EYS: variants seen among roughly 807,000 people sequenced by gnomAD.
The protein encoded by EYS is protein eyes shut homolog.
In EYS, 250 loss-of-function variants were observed where a neutral mutation model predicts 282.1. That is an observed-to-expected ratio of 0.89 (90% CI 0.80 to 0.98). The LOEUF (loss-of-function observed/expected upper bound fraction) is 0.98. Ranked by LOEUF, EYS falls within the 50% of genes least tolerant of loss-of-function variation. The pLI is 0.00. For synonymous variants in EYS, 1,355 were observed against 1,282.9 expected (o/e 1.06, Z -1.20); for missense variants, 4,016 against 3,709.0 (o/e 1.08, Z -2.15).
At chr6:64,724,838 C>T (rs982424089) in intron 22 of EYS, among the ~76,000 whole-genome samples, 44 of 152,074 alleles carry the variant, frequency 2.9e-4, no homozygotes, top group African/African-American at 1.0e-3. Flanking sequence ...TAATATACCA[C>T]TTTTAAGAAA....
At chr6:64,769,815 G>T (rs974084928) in intron 22 of EYS, among the ~76,000 whole-genome samples, 1 of 151,884 alleles carries the variant, frequency 6.6e-6, no homozygotes, top group Non-Finnish European at 1.5e-5. Flanking sequence ...CATTGGTGGA[G>T]GTTAAGGAGA....
intron 30 of EYS, among the ~76,000 whole-genome samples, chr6:64,245,968 G>A (rs937677668): frequency 1.5e-5 from 2 of 129,884 alleles, no homozygotes; most frequent in Non-Finnish European, 3.1e-5. Context: ...GCAGTGAGTC[G>A]AGATCGCGCC....
chr6:65,627,842 C>G (rs1221058867), intron 2 of EYS, among the ~76,000 whole-genome samples: 8 of 152,220 alleles, frequency 5.3e-5, no homozygotes, highest in Non-Finnish European at 1.0e-4. Flanking sequence ...CCATGGGCTC[C>G]TGTGCGCCCG....
At chr6:65,354,096 C>T (rs2150327810) in intron 8 of EYS, among the ~76,000 whole-genome samples, 1 of 152,218 alleles carries the variant, frequency 6.6e-6, no homozygotes, top group South Asian at 2.1e-4. Context: ...TCTCCAGCAT[C>T]TTCAAATACA....
chr6:64,581,857 G>A (rs946236423), intron 26 of EYS, among the ~76,000 whole-genome samples: 6 of 152,114 alleles, frequency 3.9e-5, no homozygotes, highest in Admixed American at 6.6e-5. Flanking sequence ...ATGTCTTTAT[G>A]ATAGGGCGCC....
In EYS at chr6:64,121,808, C is replaced by A. The variant is rs150271026; in HGVS notation, c.6425-39806G>T. The stretch of plus-strand genomic sequence containing the variant: ...TCTTGCCTGAATTGCCATCTTTATG[C>A]CTTTTTCTACTTTGCAGCATTATGG... On this transcript the variant is annotated intron_variant, in intron 31 of 42. Coordinates refer to ENST00000503581, the MANE Select transcript of EYS (RefSeq NM_001142800.2). 3.9e-5 allele frequency among the ~76,000 whole-genome samples: 6 copies of A among 152,200 alleles called. No homozygotes were observed. In the East Asian group the frequency reaches 1.2e-3, roughly 29 times the overall value.
intron 35 of EYS, among the ~76,000 whole-genome samples, chr6:63,974,934 G>A (rs1766760513): frequency 6.6e-6 from 1 of 151,894 alleles, no homozygotes. Context: ...TTACCATAGA[G>A]CTGGTGACAC....
At chr6:63,877,598 C>T (rs944440770) in intron 35 of EYS, among the ~76,000 whole-genome samples, 2 of 151,266 alleles carry the variant, frequency 1.3e-5, no homozygotes, top group African/African-American at 4.9e-5. Flanking sequence ...CCAACACTTT[C>T]AGGTACACCA....
chr6:64,969,171 C>T lies in EYS; in HGVS notation c.2260-23257G>A, dbSNP rs145848808. ...AGTTGGAGACCGGCATGGCCTAGGA[C>T]ATGGACTGTAAAATGATGCTTTGAA... On this transcript the variant is annotated intron_variant, in intron 14 of 42. Transcript: ENST00000503581. 1.8e-3 allele frequency among the ~76,000 whole-genome samples: 272 copies of T among 151,968 alleles called. 2 individuals carry two copies. Among genetic ancestry groups the T allele is most frequent in the African/African-American group, 6.3e-3 (263 of 41,480 alleles).
intron 30 of EYS, among the ~76,000 whole-genome samples, chr6:64,272,356 T>C (rs1767971095): frequency 6.6e-6 from 1 of 152,188 alleles, no homozygotes; most frequent in Non-Finnish European, 1.5e-5. Context: ...TTGATGTAGT[T>C]TCTTCATAGT....
chr6:64,846,631 GCTAT>G (rs1400483936), intron 19 of EYS, among the ~76,000 whole-genome samples: 2 of 151,930 alleles, frequency 1.3e-5, no homozygotes, highest in Admixed American at 6.6e-5. Context: ...TTTACTTTCA[GCTAT>G]CTGTTATATA....
At chr6:64,260,108 C>T (rs1767539455) in intron 30 of EYS, among the ~76,000 whole-genome samples, 1 of 151,100 alleles carries the variant, frequency 6.6e-6, no homozygotes, top group Non-Finnish European at 1.5e-5. Context: ...ATGTGAAATG[C>T]TGAGAAGTGT....
intron 12 of EYS, among the ~76,000 whole-genome samples, chr6:65,228,447 A>G (rs1766684832): frequency 6.6e-6 from 1 of 152,058 alleles, no homozygotes; most frequent in Non-Finnish European, 1.5e-5. Flanking sequence ...GTTGACAGAA[A>G]TTAAAGAATA....
At chr6:64,859,652 C>T (rs1766171806) in intron 19 of EYS, among the ~76,000 whole-genome samples, 1 of 152,172 alleles carries the variant, frequency 6.6e-6, no homozygotes, top group Admixed American at 6.5e-5. Flanking sequence ...CCTCTCTTCT[C>T]TTGTCTGCTG....
intron 41 of EYS, among the ~76,000 whole-genome samples, chr6:63,737,869 G>C (rs1473440878): frequency 1.1e-4 from 16 of 151,710 alleles, no homozygotes; most frequent in Non-Finnish European, 1.2e-4. Flanking sequence ...AATCTACAAT[G>C]AACTCAAACA....
chr6:63,940,551 G>C (rs1311870342), intron 35 of EYS, among the ~76,000 whole-genome samples: 6 of 152,156 alleles, frequency 3.9e-5, no homozygotes, highest in Admixed American at 6.5e-5. Flanking sequence ...ATGGTTTGTT[G>C]ATTTTAGAAT....
intron 26 of EYS, among the ~76,000 whole-genome samples, chr6:64,446,258 G>T (rs1775113567): frequency 6.6e-6 from 1 of 152,182 alleles, no homozygotes; most frequent in Non-Finnish European, 1.5e-5. Context: ...CCCCTTGCAT[G>T]AGAATAACGA....
chr6:64,713,664 A>G (rs1362651100), intron 22 of EYS, among the ~76,000 whole-genome samples: 1 of 152,120 alleles, frequency 6.6e-6, no homozygotes, highest in Non-Finnish European at 1.5e-5. Context: ...GAAGGGCAAG[A>G]CTTGTTCTTG....
chr6:64,083,830 C>T (rs898565551), intron 31 of EYS, among the ~76,000 whole-genome samples: 3 of 152,140 alleles, frequency 2.0e-5, no homozygotes, highest in African/African-American at 4.8e-5. Flanking sequence ...CTCCACCTCC[C>T]GGCTTCAAGC....
Sources: allele counts gnomAD v4.1 joint callset (sites outside exome capture counted in the v4.1 genomes callset), GRCh38; gene constraint gnomAD v4.1.1; transcripts MANE v1.5; gene names NCBI Gene and HGNC (gene_info 2026-07-23, HGNC 2026-07-21).